EXT1: variants seen among roughly 807,000 people sequenced by gnomAD.
EXT1 encodes exostosin glycosyltransferase 1, also known as exostosin-1.
EXT1 carries 20 observed loss-of-function variants against 82.5 expected under a neutral mutation model. The ratio of observed to expected loss-of-function variants is 0.24; its 90% CI spans 0.17 to 0.35. EXT1 has a LOEUF of 0.35. EXT1 is among the 10% of genes least tolerant of loss of function. The pLI, the probability that EXT1 is intolerant of heterozygous loss-of-function variation, is 1.00. For missense variants in EXT1, 757 were observed against 936.5 expected (o/e 0.81, Z 2.50); for synonymous variants, 348 against 350.8 (o/e 0.99, Z 0.09).
intron 1 of EXT1, among the ~76,000 whole-genome samples, chr8:118,022,900 T>G (rs2129861195): frequency 6.6e-6 from 1 of 152,290 alleles, no homozygotes; most frequent in East Asian, 1.9e-4. Context: ...ATTCACAGTA[T>G]AAGGCTTAGC....
chr8:117,865,336 T>A (rs4129114), intron 1 of EXT1, among the ~76,000 whole-genome samples: 21,650 of 152,106 alleles, frequency 0.14, 1,872 homozygotes, highest in East Asian at 0.37. Flanking sequence ...TCTGCCTAAT[T>A]TTTTAAAGGT....
At chr8:118,060,165 G>A (rs968727193) in intron 1 of EXT1, among the ~76,000 whole-genome samples, 4 of 152,086 alleles carry the variant, frequency 2.6e-5, no homozygotes, top group East Asian at 1.9e-4. Context: ...TTTCTTATGC[G>A]TTATGTTCTT....
At chr8:117,821,002 A>G (rs897304993) in intron 5 of EXT1, among the ~76,000 whole-genome samples, 6 of 152,212 alleles carry the variant, frequency 3.9e-5, no homozygotes, top group South Asian at 2.1e-4. Context: ...CCCCCCAAGG[A>G]GTTTTCCCAT....
intron 1 of EXT1, among the ~76,000 whole-genome samples, chr8:117,965,812 C>T (rs892684903): frequency 3.3e-5 from 5 of 151,990 alleles, no homozygotes; most frequent in African/African-American, 1.2e-4. Context: ...CTTTTTAATC[C>T]TAATTATGTG....
intron 4 of EXT1, among the ~76,000 whole-genome samples, chr8:117,824,741 T>C (rs1375347731): frequency 6.6e-6 from 1 of 152,262 alleles, no homozygotes; most frequent in East Asian, 1.9e-4. Flanking sequence ...ATAGTATTCA[T>C]GATTCATTAT....
rs776436302 is a variant in EXT1 at position 117,799,903 on chromosome 8, G to A, written c.2056-6C>T. 1.9e-6 allele frequency: 3 copies of A among 1,613,712 alleles called. No individual in the cohort carries two copies. The highest frequency in any genetic ancestry group is 1.1e-5 in the South Asian group (1 of 91,054). Reference sequence around the variant, plus strand: ...CAACGGGAAGCCCGAGAAGTCTAGGGAGAAGGAGAGAAACAAGGATAATGA... The same window carrying A: ...CAACGGGAAGCCCGAGAAGTCTAGGAAGAAGGAGAGAAACAAGGATAATGA... On this transcript the variant is annotated splice_polypyrimidine_tract_variant and splice_region_variant and intron_variant, in intron 10 of 10. Transcript: ENST00000378204.
intron 7 of EXT1, among the ~76,000 whole-genome samples, chr8:117,813,337 G>T (rs1823364332): frequency 1.2e-5 from 1 of 82,102 alleles, no homozygotes; most frequent in Non-Finnish European, 2.8e-5. Flanking sequence ...GCAGGTGAAG[G>T]CCTCATAGAA....
At position 117,796,957 on chromosome 8, in the gene EXT1, C is replaced by T. The variant is rs1563870815; in HGVS notation, c.*2755G>A. 6.6e-6 allele frequency: 1 copy of T among 152,194 alleles called. No individual in the cohort carries two copies. Among genetic ancestry groups the T allele is most frequent in the Non-Finnish European group, 1.5e-5 (1 of 68,030 alleles). 9.4% of individuals were successfully genotyped at this position (152,194 alleles called of 1,614,324 possible). On this transcript the variant is annotated 3_prime_UTR_variant, in exon 11 of 11. Coordinates refer to ENST00000378204, the MANE Select transcript of EXT1 (RefSeq NM_000127.3). ...ATGCTGTGTGGAAATCCATAAGTGG[C>T]TGAGTCCTCTTTGGAATTTCTGCAA...
chr8:118,075,526 T>G (rs966760177), intron 1 of EXT1, among the ~76,000 whole-genome samples: 11 of 152,222 alleles, frequency 7.2e-5, no homozygotes. Flanking sequence ...GAAAGAGTTA[T>G]TATTTGTACT....
chr8:117,835,866 A>G (rs559847291), intron 2 of EXT1, among the ~76,000 whole-genome samples: 27 of 152,354 alleles, frequency 1.8e-4, no homozygotes, highest in Non-Finnish European at 2.8e-4. Context: ...TTATTGACGT[A>G]ACAAAAGCTC....
intron 1 of EXT1, among the ~76,000 whole-genome samples, chr8:117,972,148 C>CA (rs34241911): frequency 0.45 from 47,709 of 107,184 alleles, 8,739 homozygotes; most frequent in Middle Eastern, 0.54. Flanking sequence ...AAAACTCCAA[C>CA]AAAAAAAAAA....
At chr8:117,917,566 T>C (rs1813776550) in intron 1 of EXT1, among the ~76,000 whole-genome samples, 1 of 152,232 alleles carries the variant, frequency 6.6e-6, no homozygotes, top group Non-Finnish European at 1.5e-5. Context: ...TCACCAGCAT[T>C]TTTGAGGTGC....
intron 1 of EXT1, among the ~76,000 whole-genome samples, chr8:117,921,808 GC>G (rs919172080): frequency 5.3e-5 from 8 of 152,114 alleles, no homozygotes; most frequent in Admixed American, 2.0e-4. Flanking sequence ...GAAGAGAAAA[GC>G]AAAATGAGAG....
At chr8:117,882,367 G>C (rs1039534617) in intron 1 of EXT1, among the ~76,000 whole-genome samples, 4 of 152,224 alleles carry the variant, frequency 2.6e-5, no homozygotes, top group African/African-American at 9.6e-5. Context: ...ACAGTCGTGA[G>C]CCATCACGTC....
At chr8:117,925,503 A>G (rs1225857407) in intron 1 of EXT1, among the ~76,000 whole-genome samples, 1 of 152,070 alleles carries the variant, frequency 6.6e-6, no homozygotes, top group Non-Finnish European at 1.5e-5. Flanking sequence ...CAGCACTTCT[A>G]AGCCTTTTGC....
At chr8:117,947,921 G>T (rs868666719) in intron 1 of EXT1, among the ~76,000 whole-genome samples, 1 of 152,094 alleles carries the variant, frequency 6.6e-6, no homozygotes, top group East Asian at 1.9e-4. Flanking sequence ...TCATCCCTTC[G>T]TGGGCCTCTC....
intron 8 of EXT1, among the ~76,000 whole-genome samples, chr8:117,810,534 T>C (rs1823302482): frequency 6.6e-6 from 1 of 152,242 alleles, no homozygotes. Context: ...AGCATGAGGA[T>C]GCATCACAGC....
At chr8:117,820,426 C>T (rs1811903754) in intron 5 of EXT1, among the ~76,000 whole-genome samples, 1 of 152,170 alleles carries the variant, frequency 6.6e-6, no homozygotes, top group Non-Finnish European at 1.5e-5. Context: ...CGGTGGCTCA[C>T]ACGTGTGATC....
intron 1 of EXT1, among the ~76,000 whole-genome samples, chr8:117,837,862 A>AAAAG (rs1812213011): frequency 2.0e-5 from 3 of 151,946 alleles, no homozygotes; most frequent in Non-Finnish European, 4.4e-5. Context: ...GAAAAGAAAA[A>AAAAG]AAAAAAACCT....
Sources: gnomAD v4.1 joint callset for allele counts (sites outside exome capture counted in the v4.1 genomes callset) on GRCh38, gnomAD v4.1.1 for gene constraint, MANE v1.5 for transcripts, NCBI Gene and HGNC (gene_info 2026-07-23, HGNC 2026-07-21) for gene names.